The following CCN6 variants were observed in gnomAD, a reference collection of about 807,000 sequenced individuals.
CCN6 encodes the protein cellular communication network factor 6, also known as CCN family member 6.
A neutral mutation model predicts 37.4 loss-of-function variants in CCN6; 31 were observed. The ratio of observed to expected loss-of-function variants is 0.83; its 90% confidence interval spans 0.62 to 1.12. The LOEUF (loss-of-function observed/expected upper bound fraction) is 1.12, where lower values mean the gene tolerates loss of function less well. CCN6 is among the 50% of genes most tolerant of loss of function. The pLI is 0.00. For synonymous variants in CCN6, 137 were observed against 142.1 expected (o/e 0.96, Z 0.26); for missense variants, 369 against 413.8 (o/e 0.89, Z 0.94).
chr6:112,065,822 C>T (rs1554313883), intron 3 of CCN6, among the ~76,000 whole-genome samples: 1 of 152,136 alleles, frequency 6.6e-6, no homozygotes, highest in Non-Finnish European at 1.5e-5. Context: ...TTTATTTAAG[C>T]ATCAGCATAT....
At chr6:112,066,007 A>G (rs1776685832) in intron 3 of CCN6, among the ~76,000 whole-genome samples, 2 of 152,234 alleles carry the variant, frequency 1.3e-5, no homozygotes, top group African/African-American at 4.8e-5. Flanking sequence ...GAAATGCAGA[A>G]TACTTGAATA....
chr6:112,053,063 G>A (rs1180883434), upstream of CCN6, among the ~76,000 whole-genome samples: 5 of 152,154 alleles, frequency 3.3e-5, no homozygotes, highest in Non-Finnish European at 5.9e-5. Context: ...ACTGATCAAA[G>A]GAAATAGAAA....
At chr6:112,059,875 G>A (rs1776458535) in intron 1 of CCN6, 4 of 1,166,406 alleles carry the variant, frequency 3.4e-6, no homozygotes, top group Non-Finnish European at 4.5e-6. Context: ...GTAAACAACT[G>A]AAATGTGTAG....
In CCN6 at chr6:112,054,233, G is replaced by C; in HGVS notation, c.-125G>C. 1 of 1,285,350 alleles carries C rather than the reference G, an allele frequency of 7.8e-7. No homozygotes were observed. Among genetic ancestry groups the C allele is most frequent in the Non-Finnish European group, 1.1e-6 (1 of 879,912 alleles). The allele number at this position is 1,285,350 out of a possible 1,614,324, so 79.6% of individuals were successfully genotyped here. A position where few individuals can be genotyped will look rare whatever the true frequency, so the allele number is the denominator to read the frequency against. On this transcript the variant is annotated 5_prime_UTR_variant, in exon 1 of 5. Coordinates refer to ENST00000368666, the MANE Select transcript of CCN6 (RefSeq NM_198239.2). Reference sequence around the variant, plus strand: ...GAAAGTTGGTAGTGTGGGAGGTAGAGGGTGTGTGTTCTTGTGCAGAGGAGC... The same window carrying C: ...GAAAGTTGGTAGTGTGGGAGGTAGACGGTGTGTGTTCTTGTGCAGAGGAGC...
intron 3 of CCN6, chr6:112,067,140 A>G: frequency 1.2e-6 from 1 of 820,130 alleles, no homozygotes; most frequent in Non-Finnish European, 1.7e-6. Context: ...AATAGAGCAC[A>G]TACTTTAAAG....
chr6:112,065,625 C>CACACAT lies in CCN6; in HGVS notation c.589+628_589+629insACACAT, dbSNP rs1562597747. On this transcript the variant is annotated intron_variant, in intron 3 of 4. Transcript: ENST00000368666. ...AAACACACACGCACACACACACGCACGCACACACACACACACACAAACACA... is the reference window on the plus strand; with the variant it reads ...AAACACACACGCACACACACACGCACACACATGCACACACACACACACACAAACACA... Among the ~76,000 whole-genome samples the CACACAT allele has an allele frequency of 7.7e-3, 998 of 130,394 alleles. 10 individuals carry two copies. Among genetic ancestry groups the CACACAT allele is most frequent in the African/African-American group, 0.028 (941 of 33,118 alleles). 85.5% of individuals were successfully genotyped at this position (130,394 alleles called of 152,430 possible).
chr6:112,063,734 C>A (rs868950467), intron 2 of CCN6, among the ~76,000 whole-genome samples: 2 of 152,154 alleles, frequency 1.3e-5, no homozygotes, highest in Non-Finnish European at 2.9e-5. Context: ...CCAAAATACA[C>A]AAGTCTGAAT....
chr6:112,053,820 T>C (rs1554311199), upstream of CCN6, among the ~76,000 whole-genome samples: 1 of 131,298 alleles, frequency 7.6e-6, no homozygotes, highest in Admixed American at 8.1e-5. Flanking sequence ...CTGCCATTAA[T>C]ATGGAGGGGG....
At chr6:112,068,641 T>G (rs1776772264) in intron 4 of CCN6, among the ~76,000 whole-genome samples, 1 of 152,152 alleles carries the variant, frequency 6.6e-6, no homozygotes, top group African/African-American at 2.4e-5. Context: ...AAGATTTTGG[T>G]TGCTACACTA....
chr6:112,054,844 C>A, intron 1 of CCN6: 1 of 213,660 alleles, frequency 4.7e-6, no homozygotes, highest in Non-Finnish European at 9.5e-6. Flanking sequence ...TTAAGTCTGT[C>A]CTTCTTTGAA....
intron 3 of CCN6, among the ~76,000 whole-genome samples, chr6:112,065,610 G>GCGCA (rs1554313790): frequency 1.2e-3 from 166 of 141,230 alleles, no homozygotes; most frequent in African/African-American, 4.3e-3. Flanking sequence ...AAACACACAC[G>GCGCA]CACACACACA....
chr6:112,066,887 TA>T, intron 3 of CCN6: 1 of 1,126,058 alleles, frequency 8.9e-7, no homozygotes, highest in Non-Finnish European at 1.2e-6. Flanking sequence ...TAATGAATGG[TA>T]AATTCCTGAA....
At position 112,064,877 on chromosome 6, in the gene CCN6, A is replaced by G. The variant is rs587643325; in HGVS notation, c.469A>G (p.Ile157Val). ...SGAIGCTPLF[I>V]PKLAGSHCSG... ...GGCCATTGGATGCACACCTCTGTTC[A>G]TACCAAAGCTGGCTGGCAGTCACTG... Residue 157 changes from isoleucine (I) to valine (V), a missense_variant, in exon 3 of 5, where the codon ATA (isoleucine) becomes GTA (valine). By Grantham distance (29) the Ile-to-Val change is conservative. Transcript: ENST00000368666. The G allele has an allele frequency of 1.2e-6, 2 of 1,614,130 alleles. No individual in the cohort carries two copies. Among genetic ancestry groups the G allele is most frequent in the Admixed American group, 3.3e-5 (2 of 60,006 alleles).
At chr6:112,060,718 G>A (rs1185548996) in intron 1 of CCN6, among the ~76,000 whole-genome samples, 1 of 152,062 alleles carries the variant, frequency 6.6e-6, no homozygotes, top group African/African-American at 2.4e-5. Context: ...AGATTAAGAG[G>A]ATGAGAAGAA....
chr6:112,055,113 G>A (rs1221992916), intron 1 of CCN6, among the ~76,000 whole-genome samples: 1 of 152,200 alleles, frequency 6.6e-6, no homozygotes, highest in Non-Finnish European at 1.5e-5. Context: ...TTTGAAATCT[G>A]GTGATTTAGG....
intron 1 of CCN6, among the ~76,000 whole-genome samples, chr6:112,058,189 CCAT>C (rs782566709): frequency 9.8e-5 from 15 of 152,308 alleles, no homozygotes; most frequent in Non-Finnish European, 1.6e-4. Context: ...CCTATCCTCC[CCAT>C]CAAAACCCAT....
At chr6:112,053,592 T>A (rs1334787535), upstream of CCN6, among the ~76,000 whole-genome samples, 6 of 151,448 alleles carry the variant, frequency 4.0e-5, no homozygotes, top group African/African-American at 1.5e-4. Flanking sequence ...CCCGGAAAAA[T>A]GGAGGTTAAC....
At chr6:112,056,523 T>A in intron 1 of CCN6, among the ~76,000 whole-genome samples, 1 of 152,056 alleles carries the variant, frequency 6.6e-6, no homozygotes, top group South Asian at 2.1e-4. Context: ...CTGTTATGAT[T>A]TTCTTTATTT....
intron 4 of CCN6, among the ~76,000 whole-genome samples, chr6:112,068,898 T>C (rs1224347869): frequency 6.6e-6 from 1 of 152,080 alleles, no homozygotes; most frequent in Non-Finnish European, 1.5e-5. Context: ...TACACAATCC[T>C]TCTACCCCAA....
Sources: allele counts gnomAD v4.1 joint callset (sites outside exome capture counted in the v4.1 genomes callset), GRCh38; gene constraint gnomAD v4.1.1; transcripts MANE v1.5; gene names NCBI Gene and HGNC (gene_info 2026-07-23, HGNC 2026-07-21).